CHLSN: variants seen among roughly 807,000 people sequenced by gnomAD.
CHLSN encodes the protein protein cholesin.
chr7:1,084,308 G>A, the CHLSN span, among the ~76,000 whole-genome samples: 2 of 152,258 alleles, frequency 1.3e-5, no homozygotes, highest in Non-Finnish European at 2.9e-5. Context: ...TCCCGGGGGC[G>A]TGGGAAGGGG....
the CHLSN span, among the ~76,000 whole-genome samples, chr7:1,130,897 A>T: frequency 1.6e-4 from 24 of 152,218 alleles, no homozygotes; most frequent in Non-Finnish European, 2.6e-4. Context: ...CCACCCCAAA[A>T]GTAAAACAGT....
the CHLSN span, among the ~76,000 whole-genome samples, chr7:1,095,819 C>T: frequency 1.3e-5 from 2 of 152,368 alleles, no homozygotes; most frequent in African/African-American, 2.4e-5. Flanking sequence ...CAACCCCTGG[C>T]GTCTAACTGG....
chr7:1,015,965 G>A, the CHLSN span, among the ~76,000 whole-genome samples: 2 of 152,258 alleles, frequency 1.3e-5, no homozygotes, highest in East Asian at 1.9e-4. Flanking sequence ...CTGGACCGGC[G>A]TCTGTCTGGG....
the CHLSN span, chr7:989,021 A>C: frequency 4.5e-5 from 22 of 486,258 alleles, no homozygotes; most frequent in South Asian, 1.4e-4. Flanking sequence ...TGGGACCCCC[A>C]CCCCTCTGAT....
chr7:1,136,142 A>C, the CHLSN span, among the ~76,000 whole-genome samples: 1 of 79,842 alleles, frequency 1.3e-5, no homozygotes, highest in South Asian at 4.1e-4. Flanking sequence ...ATATACATAA[A>C]TATATAAATA....
At chr7:986,997 T>C in the CHLSN span, 1 of 1,388,876 alleles carries the variant, frequency 7.2e-7, no homozygotes. Context: ...GAGGGATGGC[T>C]GAGCCCAGAT....
chr7:1,055,457 C>T, the CHLSN span: 1 of 462,672 alleles, frequency 2.2e-6, no homozygotes, highest in Non-Finnish European at 4.4e-6. Flanking sequence ...GCCCACAGCA[C>T]CAAGAGGCTT....
the CHLSN span, among the ~76,000 whole-genome samples, chr7:1,109,031 G>A: frequency 3.9e-5 from 6 of 151,998 alleles, no homozygotes; most frequent in Non-Finnish European, 4.4e-5. Context: ...AAGTAGCTGG[G>A]ATCACAGGCG....
chr7:1,046,008 G>A, the CHLSN span, among the ~76,000 whole-genome samples: 1 of 152,374 alleles, frequency 6.6e-6, no homozygotes, highest in East Asian at 1.9e-4. Flanking sequence ...CCAGTAGGCT[G>A]ATGAAGAGAG....
the CHLSN span, chr7:1,028,439 C>G: frequency 1.0e-6 from 1 of 985,858 alleles, no homozygotes; most frequent in Non-Finnish European, 1.2e-6. Flanking sequence ...AGCGCGCCTG[C>G]GGGGACTGGA....
chr7:1,098,889 G>T, the CHLSN span, among the ~76,000 whole-genome samples: 1 of 152,100 alleles, frequency 6.6e-6, no homozygotes, highest in South Asian at 2.1e-4. Context: ...TGAAGAAAAC[G>T]TTCTAAAATT....
chr7:1,004,752 C>T, the CHLSN span, among the ~76,000 whole-genome samples: 1 of 152,230 alleles, frequency 6.6e-6, no homozygotes, highest in African/African-American at 2.4e-5. Context: ...AGACAGTTCA[C>T]AGGATGCCTG....
At chr7:1,127,597 C>CTT in the CHLSN span, among the ~76,000 whole-genome samples, 5 of 144,480 alleles carry the variant, frequency 3.5e-5, no homozygotes, top group Non-Finnish European at 7.6e-5. Flanking sequence ...TCCTTTCTGT[C>CTT]TTTTTTTTTT....
the CHLSN span, among the ~76,000 whole-genome samples, chr7:1,073,499 C>A: frequency 6.6e-6 from 1 of 152,160 alleles, no homozygotes; most frequent in African/African-American, 2.4e-5. Flanking sequence ...CATCGTAGAG[C>A]TTTCTTACTT....
chr7:1,027,709 G>C, the CHLSN span, among the ~76,000 whole-genome samples: 1 of 152,272 alleles, frequency 6.6e-6, no homozygotes, highest in Admixed American at 6.5e-5. Flanking sequence ...CTTGCCTCAG[G>C]CAAGAAAGCC....
chr7:1,041,304 C>G, the CHLSN span, among the ~76,000 whole-genome samples: 1 of 121,156 alleles, frequency 8.3e-6, no homozygotes, highest in Non-Finnish European at 1.8e-5. Flanking sequence ...GGAAGGGGAC[C>G]TGGGGTCCGC....
chr7:995,994 C>T, the CHLSN span, among the ~76,000 whole-genome samples: 3 of 152,222 alleles, frequency 2.0e-5, no homozygotes, highest in Non-Finnish European at 4.4e-5. Context: ...CCCCGAGTCT[C>T]GATGTCCACA....
the CHLSN span, among the ~76,000 whole-genome samples, chr7:1,079,557 G>A: frequency 2.0e-5 from 3 of 152,188 alleles, no homozygotes; most frequent in Admixed American, 1.3e-4. Flanking sequence ...CCAGGAAGAG[G>A]CCGGGAAAAC....
the CHLSN span, chr7:986,493 C>T: frequency 6.5e-6 from 7 of 1,073,430 alleles, no homozygotes; most frequent in Non-Finnish European, 9.6e-6. Flanking sequence ...TCCCCCCGTT[C>T]TGTGGCCGCC....
Sources: allele counts gnomAD v4.1 joint callset (sites outside exome capture counted in the v4.1 genomes callset), GRCh38; gene constraint gnomAD v4.1.1; transcripts MANE v1.5; gene names NCBI Gene and HGNC (gene_info 2026-07-23, HGNC 2026-07-21).